The following PLXDC2 variants were observed in gnomAD, a reference collection of about 807,000 sequenced individuals.
The protein encoded by PLXDC2 is plexin domain containing 2.
In PLXDC2, 40 loss-of-function variants were observed where a neutral mutation model predicts 68.9. The observed-to-expected ratio is 0.58, with a 90% CI of 0.45 to 0.76. The LOEUF (loss-of-function observed/expected upper bound fraction) is 0.76. PLXDC2 is among the 30% of genes least tolerant of loss of function. PLXDC2 has a pLI of 0.00. For missense variants in PLXDC2, 644 were observed against 661.9 expected, an observed-to-expected ratio of 0.97 and a Z score of 0.30; for synonymous variants, 243 against 234.2, an observed-to-expected ratio of 1.04 and a Z score of -0.34.
chr10:20,143,606 C>T (rs1056859179), intron 5 of PLXDC2, among the ~76,000 whole-genome samples, 189 bp downstream of exon 5: 2 of 152,036 alleles, frequency 1.3e-5, no homozygotes, highest in Admixed American at 6.6e-5. Flanking sequence ...TCATTCAACA[C>T]ATTTATTAAC....
chr10:19,954,957 A>G (rs184632372), intron 1 of PLXDC2, among the ~76,000 whole-genome samples: 30 of 151,868 alleles, frequency 2.0e-4, no homozygotes, highest in Non-Finnish European at 3.5e-4. Flanking sequence ...GGGTGATTAT[A>G]TTACCTTCTT....
chr10:19,930,548 A>G (rs1833611147), intron 1 of PLXDC2, among the ~76,000 whole-genome samples: 1 of 152,228 alleles, frequency 6.6e-6, no homozygotes, highest in African/African-American at 2.4e-5. Context: ...GAAGACCAGA[A>G]CAATAATACT....
chr10:20,051,364 A>G (rs995344972), intron 3 of PLXDC2, among the ~76,000 whole-genome samples: 4 of 147,402 alleles, frequency 2.7e-5, no homozygotes, highest in Admixed American at 6.9e-5. Flanking sequence ...ACAAACTTTC[A>G]CACTTACTGC....
intron 1 of PLXDC2, among the ~76,000 whole-genome samples, chr10:19,890,263 A>G (rs1342714008): frequency 6.6e-6 from 1 of 151,952 alleles, no homozygotes; most frequent in Non-Finnish European, 1.5e-5. Flanking sequence ...TTTCTATTTT[A>G]GATTCAGTGG....
chr10:20,257,085 A>C (rs1383446037), intron 13 of PLXDC2, among the ~76,000 whole-genome samples: 1 of 152,160 alleles, frequency 6.6e-6, no homozygotes, highest in East Asian at 1.9e-4. Flanking sequence ...GGACGCAAGG[A>C]TCTCTGGGGA....
chr10:19,937,100 C>T (rs1349571339), intron 1 of PLXDC2, among the ~76,000 whole-genome samples: 1 of 152,144 alleles, frequency 6.6e-6, no homozygotes, highest in African/African-American at 2.4e-5. Context: ...CATTTCTTAC[C>T]TAAAACTATC....
chr10:20,059,674 A>G (rs577857734), intron 3 of PLXDC2, among the ~76,000 whole-genome samples: 2 of 152,270 alleles, frequency 1.3e-5, no homozygotes, highest in South Asian at 4.1e-4. Flanking sequence ...GCCCCTTTCC[A>G]TGGACATTTT....
chr10:20,255,638 T>C (rs1189025275), intron 13 of PLXDC2, among the ~76,000 whole-genome samples: 1 of 152,106 alleles, frequency 6.6e-6, no homozygotes, highest in Non-Finnish European at 1.5e-5. Context: ...TAAACTAAAT[T>C]AGTTTATTAT....
chr10:20,222,104 C>A (rs960054437), intron 12 of PLXDC2, among the ~76,000 whole-genome samples: 5 of 152,178 alleles, frequency 3.3e-5, no homozygotes, highest in South Asian at 2.1e-4. Context: ...TATTTAGGGG[C>A]CTGTACTTTT....
chr10:20,183,862 G>T (rs375490892), intron 9 of PLXDC2, among the ~76,000 whole-genome samples: 2 of 152,032 alleles, frequency 1.3e-5, no homozygotes, highest in South Asian at 2.1e-4. Flanking sequence ...TAAGATATTC[G>T]CAGTGAGGCA....
At chr10:20,184,810 A>G (rs753017246) in intron 9 of PLXDC2, among the ~76,000 whole-genome samples, 47 of 151,838 alleles carry the variant, frequency 3.1e-4, no homozygotes, top group Non-Finnish European at 5.7e-4. Flanking sequence ...TGCAGCATTA[A>G]GTGTGATTTT....
intron 6 of PLXDC2, among the ~76,000 whole-genome samples, chr10:20,158,322 A>G (rs1834243446): frequency 6.6e-6 from 1 of 152,060 alleles, no homozygotes; most frequent in Non-Finnish European, 1.5e-5. Flanking sequence ...GATCATGACA[A>G]TAACATGTTC....
chr10:20,127,319 C>T (rs566656732), intron 4 of PLXDC2, among the ~76,000 whole-genome samples: 2 of 152,162 alleles, frequency 1.3e-5, no homozygotes, highest in African/African-American at 2.4e-5. Flanking sequence ...GAGATGAGAT[C>T]TTTGTCTTTC....
chr10:20,164,672 T>G lies in PLXDC2; in HGVS notation c.883+105T>G. On this transcript the variant is annotated intron_variant, in intron 7 of 13. Coordinates refer to ENST00000377252, the MANE Select transcript of PLXDC2 (RefSeq NM_032812.9). ...CCTGAATTAAAAAAAAAATAGCTAA[T>G]CGATTAGCTGATTAATGCTTGTTAA... 8 of 829,620 alleles carry G rather than the reference T, an allele frequency of 9.6e-6. No homozygotes were observed. In the South Asian group the frequency reaches 1.2e-4, roughly 12 times the overall value. 51.4% of individuals were successfully genotyped at this position (829,620 alleles called of 1,614,324 possible). A position where few individuals can be genotyped will look rare whatever the true frequency, so the allele number is the denominator to read the frequency against.
chr10:20,123,288 G>C (rs997657931), intron 4 of PLXDC2, among the ~76,000 whole-genome samples: 5 of 151,984 alleles, frequency 3.3e-5, no homozygotes, highest in African/African-American at 1.2e-4. Flanking sequence ...AGACGCTTGG[G>C]GTTGGGACTG....
intron 2 of PLXDC2, among the ~76,000 whole-genome samples, chr10:20,045,631 G>A (rs1449409129): frequency 6.6e-6 from 1 of 151,590 alleles, no homozygotes; most frequent in African/African-American, 2.4e-5. Context: ...TATCTTGATT[G>A]ATGATTTGTT....
In PLXDC2 at chr10:19,884,922, C is replaced by T. The variant is rs1308898204; in HGVS notation, c.112+67731C>T. On this transcript the variant is annotated intron_variant, in intron 1 of 13. Coordinates refer to ENST00000377252, the MANE Select transcript of PLXDC2 (RefSeq NM_032812.9). ...TTCTAGTTCTAGATCCCTGAGGAGT[C>T]GCCACACTGACTTCCACAAGGGTTG... 7.2e-5 allele frequency among the ~76,000 whole-genome samples: 11 copies of T among 152,278 alleles called. No homozygotes were observed. The South Asian group carries it at 8.3e-4, about 11-fold the overall frequency.
intron 12 of PLXDC2, among the ~76,000 whole-genome samples, chr10:20,232,715 T>C (rs1835381461): frequency 6.6e-6 from 1 of 152,210 alleles, no homozygotes; most frequent in African/African-American, 2.4e-5. Flanking sequence ...TGGTTGCCTA[T>C]GCGGTGTTGG....
intron 13 of PLXDC2, among the ~76,000 whole-genome samples, chr10:20,255,003 G>A (rs1352988467): frequency 2.0e-5 from 3 of 152,112 alleles, no homozygotes; most frequent in African/African-American, 7.2e-5. Context: ...AACTATAATA[G>A]TGTTTCTAAT....
Sources: allele counts gnomAD v4.1 joint callset (sites outside exome capture counted in the v4.1 genomes callset), GRCh38; gene constraint gnomAD v4.1.1; transcripts MANE v1.5; gene names NCBI Gene and HGNC (gene_info 2026-07-23, HGNC 2026-07-21).